NUDT14: variants seen among roughly 807,000 people sequenced by gnomAD.
NUDT14 encodes the protein uridine diphosphate glucose pyrophosphatase NUDT14.
NUDT14 carries 22 observed loss-of-function variants against 17.5 expected under a neutral mutation model. The observed-to-expected ratio is 1.26, with a 90% CI of 0.90 to 1.80. The LOEUF (loss-of-function observed/expected upper bound fraction) is 1.80. Among genes scored for constraint, NUDT14 ranks in the 40% most tolerant of loss-of-function variants. The probability of loss-of-function intolerance (pLI) is 0.00; values close to 1 mark genes in which losing one functional copy is unlikely to be tolerated. For synonymous variants in NUDT14, 129 were observed against 125.8 expected (o/e 1.03, Z -0.17); for missense variants, 296 against 295.6 (o/e 1.00, Z -0.01).
chr14:105,173,974 C>T lies in NUDT14; in HGVS notation c.429-713G>A, dbSNP rs11851511. Among the ~76,000 whole-genome samples the T allele has an allele frequency of 1.4e-3, 220 of 152,200 alleles. No homozygotes were observed. Among genetic ancestry groups the T allele is most frequent in the African/African-American group, 5.1e-3 (212 of 41,528 alleles). On this transcript the variant is annotated intron_variant, in intron 4 of 4. Transcript: ENST00000392568. This position sits in a 1 kb window ranked among gnomAD's most constrained non-coding sequence, Gnocchi z 4.7. ...GCTGGCTGGGAAGCAGGGACAAACCCACCAGGCCTTCCCGCAAGGGTTCCC... is the reference window on the plus strand; with the variant it reads ...GCTGGCTGGGAAGCAGGGACAAACCTACCAGGCCTTCCCGCAAGGGTTCCC...
intron 2 of NUDT14, 72 bp downstream of exon 2, chr14:105,177,620 G>A (rs1889243633): frequency 8.3e-6 from 12 of 1,446,414 alleles, no homozygotes; most frequent in African/African-American, 1.4e-5. Context: ...GGGCACCTTC[G>A]CCCTGGGCCC....
In NUDT14 at chr14:105,181,218, C is replaced by T; in HGVS notation, c.-9G>A. ...CCCTCGATGCGCTCCATGGCGGCGCCCGGACAGGCGGGGGCCGCGAGCTCT... is the reference window on the plus strand; with the variant it reads ...CCCTCGATGCGCTCCATGGCGGCGCTCGGACAGGCGGGGGCCGCGAGCTCT... On this transcript the variant is annotated 5_prime_UTR_variant, in exon 1 of 5. Transcript: ENST00000392568. The surrounding 1 kb of genome is among the most constrained non-coding windows in gnomAD (Gnocchi z 5.0). 8.9e-7 allele frequency: 1 copy of T among 1,125,888 alleles called. No homozygotes were observed. The highest frequency in any genetic ancestry group is 1.1e-6 in the Non-Finnish European group (1 of 914,924). 69.7% of individuals were successfully genotyped at this position (1,125,888 alleles called of 1,614,324 possible). A position where few individuals can be genotyped will look rare whatever the true frequency, so the allele number is the denominator to read the frequency against.
chr14:105,174,223 G>T (rs989607754), intron 4 of NUDT14, among the ~76,000 whole-genome samples: 1 of 152,118 alleles, frequency 6.6e-6, no homozygotes, highest in African/African-American at 2.4e-5. Flanking sequence ...CCAAGGGAAG[G>T]AGCCTGGACT....
rs796232875 is a variant in NUDT14, at chr14:105,174,368, C to G, written c.429-1107G>C. Among the ~76,000 whole-genome samples, 69 of 151,954 alleles carry G rather than the reference C, an allele frequency of 4.5e-4. 1 individual carries two copies. Among genetic ancestry groups the G allele is most frequent in the African/African-American group, 1.6e-3 (68 of 41,438 alleles). ...ACTGAGGGGCATCTGGGAAGATGAC[C>G]AGGGGGTGGGGGAGCCCTGGCTCGC... On this transcript the variant is annotated intron_variant, in intron 4 of 4. Coordinates refer to ENST00000392568, the MANE Select transcript of NUDT14 (RefSeq NM_177533.5).
At chr14:105,179,919 T>G (rs1889291164) in intron 1 of NUDT14, among the ~76,000 whole-genome samples, 1 of 152,024 alleles carries the variant, frequency 6.6e-6, no homozygotes, top group East Asian at 1.9e-4. Context: ...GGATGCCCCC[T>G]GAGGGAGGGA....
At chr14:105,177,625 G>A in intron 2 of NUDT14, 67 bp downstream of exon 2, 1 of 1,484,570 alleles carries the variant, frequency 6.7e-7, no homozygotes, top group Non-Finnish European at 9.3e-7. Context: ...CCTTCGCCCT[G>A]GGCCCAGTGT....
rs1313387131 is a variant in NUDT14 at position 105,181,265 on chromosome 14, C to A, written c.-56G>T. 2.9e-6 allele frequency: 2 copies of A among 678,942 alleles called. No individual in the cohort carries two copies. Among genetic ancestry groups the A allele is most frequent in the East Asian group, 1.3e-4 (2 of 14,878 alleles). The allele number at this position is 678,942 out of a possible 1,614,324, so 42.1% of individuals were successfully genotyped here. On this transcript the variant is annotated 5_prime_UTR_variant, in exon 1 of 5. Transcript: ENST00000392568. This position sits in a 1 kb window ranked among gnomAD's most constrained non-coding sequence, Gnocchi z 5.0. ...CTCTGCGGGGGCCGACACGGGGCGG[C>A]GCCCTGTCCCGACAGGAGCCTTCGG...
intron 3 of NUDT14, 93 bp from the exon 4 acceptor site, chr14:105,176,864 TC>T: frequency 6.5e-7 from 1 of 1,548,794 alleles, no homozygotes. Context: ...GGCCTCAGCT[TC>T]CCCTGGAGCC....
At chr14:105,176,815 C>T (rs1343420491) in intron 3 of NUDT14, 44 bp from the exon 4 acceptor site, 13 of 1,589,934 alleles carry the variant, frequency 8.2e-6, no homozygotes, top group African/African-American at 1.3e-5. Context: ...CACGTGGTGG[C>T]CACCTCCAGG....
At position 105,181,220 on chromosome 14, in the gene NUDT14, G is replaced by A; in HGVS notation, c.-11C>T. On this transcript the variant is annotated 5_prime_UTR_variant, in exon 1 of 5. Transcript: ENST00000392568. This position sits in a 1 kb window ranked among gnomAD's most constrained non-coding sequence, Gnocchi z 5.0. ...CTCGATGCGCTCCATGGCGGCGCCC[G>A]GACAGGCGGGGGCCGCGAGCTCTGC... 1.9e-6 allele frequency: 2 copies of A among 1,070,242 alleles called. No homozygotes were observed. The highest frequency in any genetic ancestry group is 3.2e-5 in the South Asian group (1 of 31,676). The allele number at this position is 1,070,242 out of a possible 1,614,324, so 66.3% of individuals were successfully genotyped here.
At chr14:105,180,983 G>GCGGA (rs1263538917) in intron 1 of NUDT14, 146 bp downstream of exon 1, 1 of 213,364 alleles carries the variant, frequency 4.7e-6, no homozygotes, top group Non-Finnish European at 8.3e-6. Context: ...GATCCGGCGG[G>GCGGA]CGGACAAGCG....
At chr14:105,178,079 G>A (rs1414406481) in intron 1 of NUDT14, among the ~76,000 whole-genome samples, 1 of 152,156 alleles carries the variant, frequency 6.6e-6, no homozygotes, top group Non-Finnish European at 1.5e-5. Flanking sequence ...GGCTCATGGA[G>A]GCTCGGGGAG....
At chr14:105,177,654 G>C in intron 2 of NUDT14, 38 bp downstream of exon 2, 1 of 1,605,020 alleles carries the variant, frequency 6.2e-7, no homozygotes, top group Non-Finnish European at 8.5e-7. Context: ...ACATCAGTCT[G>C]GGGCTTCCCC....
intron 1 of NUDT14, among the ~76,000 whole-genome samples, chr14:105,180,762 C>T (rs1215111722): frequency 6.6e-6 from 1 of 152,168 alleles, no homozygotes; most frequent in Non-Finnish European, 1.5e-5. Flanking sequence ...CTATCTCCTC[C>T]TTCAAGTGGT....
chr14:105,177,085 C>G, intron 2 of NUDT14, 58 bp from the exon 3 acceptor site: 1 of 1,520,504 alleles, frequency 6.6e-7, no homozygotes, highest in East Asian at 2.3e-5. Context: ...CGTGGGGCCC[C>G]ACCTCCCATC....
chr14:105,180,646 A>G (rs1352678016), intron 1 of NUDT14, among the ~76,000 whole-genome samples: 1 of 152,008 alleles, frequency 6.6e-6, no homozygotes, highest in Non-Finnish European at 1.5e-5. Flanking sequence ...AAAAACCCCA[A>G]GGAGGAAGCC....
rs1222146422 is a variant in NUDT14 at position 105,173,735 on chromosome 14, C to A, written c.429-474G>T. 3 of 153,036 alleles carry A rather than the reference C, an allele frequency of 2.0e-5. No individual in the cohort carries two copies. Among genetic ancestry groups the A allele is most frequent in the African/African-American group, 7.3e-5 (3 of 41,370 alleles). 9.5% of individuals were successfully genotyped at this position (153,036 alleles called of 1,614,324 possible). A position where few individuals can be genotyped will look rare whatever the true frequency, so the allele number is the denominator to read the frequency against. ...CACCAGGAGCTGAATTCTGCCATAA[C>A]CTCGTGAGCCGGGAAGACCCCAAGC... On this transcript the variant is annotated intron_variant, in intron 4 of 4. Transcript: ENST00000392568. This position sits in a 1 kb window ranked among gnomAD's most constrained non-coding sequence, Gnocchi z 4.7.
In NUDT14 at chr14:105,173,100, T is replaced by G. The variant is rs1157380308; in HGVS notation, c.590A>C (p.Asp197Ala). The G allele has an allele frequency of 6.3e-7, 1 of 1,587,568 alleles. No individual in the cohort carries two copies. The highest frequency in any genetic ancestry group is 1.8e-5 in the Admixed American group (1 of 55,312). ...EGAQAFADDP[D>A]IPKTLGVIFG... ...GATGACGCCGAGGGTCTTGGGGATG[T>G]CCGGGTCGTCTGCAAAGGCCTGGGC... Residue 197 changes from aspartate (D) to alanine (A), a missense_variant, in exon 5 of 5, where the codon GAC (aspartate) becomes GCC (alanine). By Grantham distance (126) the Asp-to-Ala change is moderately radical. Transcript: ENST00000392568. The surrounding 1 kb of genome is among the most constrained non-coding windows in gnomAD (Gnocchi z 4.7).
At chr14:105,178,035 G>T (rs1206325326) in intron 1 of NUDT14, among the ~76,000 whole-genome samples, 1 of 152,176 alleles carries the variant, frequency 6.6e-6, no homozygotes, top group Non-Finnish European at 1.5e-5. Flanking sequence ...ACAAGGGGCT[G>T]CAGAGAGACG....
Sources: allele counts gnomAD v4.1 joint callset (sites outside exome capture counted in the v4.1 genomes callset), GRCh38; gene constraint gnomAD v4.1.1; non-coding constraint Gnocchi (gnomAD v3.1); transcripts MANE v1.5; gene names NCBI Gene and HGNC (gene_info 2026-07-23, HGNC 2026-07-21).